Variants in PITRM1 observed in about 807,000 individuals in gnomAD.
PITRM1 encodes pitrilysin metallopeptidase 1.
In PITRM1, 100 loss-of-function variants were observed where a neutral mutation model predicts 129.9. The observed-to-expected ratio is 0.77, with a 90% CI of 0.65 to 0.91. The LOEUF (loss-of-function observed/expected upper bound fraction) is 0.91, where lower values mean the gene tolerates loss of function less well. Ranked by LOEUF, PITRM1 falls within the 40% of genes least tolerant of loss-of-function variation. The probability of loss-of-function intolerance (pLI) is 0.00; values close to 1 mark genes in which losing one functional copy is unlikely to be tolerated. For synonymous variants in PITRM1, 591 were observed against 508.8 expected (o/e 1.16, Z -2.17); for missense variants, 1,471 against 1,318.3 (o/e 1.12, Z -1.79).
At chr10:3,155,857 T>C (rs1841933061) in intron 13 of PITRM1, 128 bp from the exon 14 acceptor site, 4 of 1,049,330 alleles carry the variant, frequency 3.8e-6, no homozygotes, top group Admixed American at 5.2e-5. Flanking sequence ...AAAATAGTAA[T>C]AATAGAACGC....
Position 3,147,689 on chromosome 10 carries a change from G to A in PITRM1, c.2118C>T (p.Thr706=), listed in dbSNP as rs369598972. 104 of 1,612,746 alleles carry A rather than the reference G, an allele frequency of 6.4e-5. No individual in the cohort carries two copies. The East Asian group carries it at 9.8e-4, about 15-fold the overall frequency. The change falls in exon 19 of 27, where the codon ACC becomes ACT. Residue 706 remains threonine, a synonymous_variant. Coordinates refer to ENST00000224949, the MANE Select transcript of PITRM1 (RefSeq NM_014889.4). ...GAATTCCATTGGCGAGCTCCTGGGC[G>A]GTCATCTTCACCAGCACCTTGAAGT... ...EEHFKVLVKM[T]AQELANGIPD...
In PITRM1 at chr10:3,138,887, T is replaced by C; in HGVS notation, c.2917+17A>G. The C allele has an allele frequency of 1.2e-6, 2 of 1,613,110 alleles. No individual in the cohort carries two copies. The highest frequency in any genetic ancestry group is 1.7e-6 in the Non-Finnish European group (2 of 1,179,062). ...TGAGGCTGTGGGTTGAGATTCTCAC[T>C]GTTATACTCAAAATACCTTTGTCTG... On this transcript the variant is annotated intron_variant, in intron 25 of 26. Coordinates refer to ENST00000224949, the MANE Select transcript of PITRM1 (RefSeq NM_014889.4).
chr10:3,141,159 T>A (rs1840156895), intron 23 of PITRM1, among the ~76,000 whole-genome samples: 1 of 152,250 alleles, frequency 6.6e-6, no homozygotes, highest in Non-Finnish European at 1.5e-5. Context: ...CAGGCTGGTC[T>A]CAAACACCTG....
chr10:3,152,814 G>A (rs947852401), intron 14 of PITRM1, among the ~76,000 whole-genome samples: 1 of 152,204 alleles, frequency 6.6e-6, no homozygotes, highest in Non-Finnish European at 1.5e-5. Flanking sequence ...GCTAGAGCAC[G>A]CCACAGCTAC....
intron 23 of PITRM1, chr10:3,141,544 G>C (rs1840196415): frequency 3.3e-6 from 1 of 300,936 alleles, no homozygotes; most frequent in South Asian, 2.9e-5. Context: ...CACATTTCTA[G>C]GAACAGGGCC....
upstream of PITRM1, chr10:3,172,809 T>C (rs1415138374): frequency 6.7e-7 from 1 of 1,491,832 alleles, no homozygotes; most frequent in East Asian, 2.5e-5. Flanking sequence ...AGGAACCCCC[T>C]CTTAACCCGA....
intron 23 of PITRM1, among the ~76,000 whole-genome samples, chr10:3,142,678 G>C (rs546701169): frequency 1.3e-5 from 2 of 152,348 alleles, no homozygotes; most frequent in South Asian, 4.1e-4. Flanking sequence ...GCCACTTTGG[G>C]AACAGGCCTG....
intron 18 of PITRM1, 72 bp downstream of exon 18, chr10:3,147,915 C>T: frequency 3.9e-6 from 5 of 1,285,976 alleles, no homozygotes; most frequent in Non-Finnish European, 5.6e-6. Context: ...GTAAAACTGT[C>T]TCCTTTAAAG....
At chr10:3,163,652 C>T (rs1226344727) in intron 7 of PITRM1, 73 bp downstream of exon 7, 2 of 1,243,272 alleles carry the variant, frequency 1.6e-6, no homozygotes, top group Admixed American at 2.2e-5. Flanking sequence ...AGAAGCCATG[C>T]CATAAACTGT....
intron 1 of PITRM1, among the ~76,000 whole-genome samples, chr10:3,171,230 G>A (rs1843328857): frequency 7.1e-6 from 1 of 140,232 alleles, no homozygotes; most frequent in Admixed American, 7.4e-5. Context: ...AAAGATATGG[G>A]TCACATAACG....
intron 1 of PITRM1, 49 bp from the exon 2 acceptor site, chr10:3,170,255 G>A: frequency 7.3e-7 from 1 of 1,377,490 alleles, no homozygotes; most frequent in Non-Finnish European, 1.0e-6. Flanking sequence ...AAAGTATCTG[G>A]CTAACATTAT....
rs1481179751 is a variant in PITRM1 at position 3,138,818 on chromosome 10, C to T, written c.2917+86G>A. On this transcript the variant is annotated intron_variant, in intron 25 of 26. Transcript: ENST00000224949. ...ATGGAGGCACCAGAAGCTAGTGCTC[C>T]TGCCCATGCATGCCGGGAACTTGGA... is the stretch of plus-strand genomic sequence containing the variant. 3.1e-6 allele frequency: 4 copies of T among 1,282,558 alleles called. No individual in the cohort carries two copies. The East Asian group carries it at 9.2e-5, about 30-fold the overall frequency. The allele number at this position is 1,282,558 out of a possible 1,614,324, so 79.4% of individuals were successfully genotyped here. A position where few individuals can be genotyped will look rare whatever the true frequency, so the allele number is the denominator to read the frequency against.
Position 3,166,320 on chromosome 10 carries a change from G to C in PITRM1, c.327C>G (p.Thr109=), listed in dbSNP as rs1127047. Residue 109 remains threonine, a synonymous_variant, in exon 4 of 27, where the codon ACC becomes ACG. Transcript: ENST00000224949. ...GATATTTCTGAGACCCACAAAGGACGGTATGCTCAAGAATGTGAGGAACAC... is the reference window on the plus strand; with the variant it reads ...GATATTTCTGAGACCCACAAAGGACCGTATGCTCAAGAATGTGAGGAACAC... ...STGVPHILEH[T]VLCGSQKYPC... 2.5e-6 allele frequency: 4 copies of C among 1,608,986 alleles called. No homozygotes were observed. The highest frequency in any genetic ancestry group is 3.4e-6 in the Non-Finnish European group (4 of 1,177,278).
At chr10:3,151,109 C>T (rs764100040) in intron 15 of PITRM1, 138 bp downstream of exon 15, 6 of 663,070 alleles carry the variant, frequency 9.0e-6, no homozygotes, top group Admixed American at 2.3e-5. Flanking sequence ...TCGTGTAGAG[C>T]GAGACTATGA....
chr10:3,165,734 T>G (rs748808245), intron 4 of PITRM1, among the ~76,000 whole-genome samples: 8 of 152,166 alleles, frequency 5.3e-5, no homozygotes, highest in Non-Finnish European at 8.8e-5. Flanking sequence ...CGTCTCAGGA[T>G]CTGCACTCGA....
chr10:3,144,206 G>T (rs905886144), intron 22 of PITRM1, 86 bp downstream of exon 22: 3 of 759,328 alleles, frequency 4.0e-6, no homozygotes, highest in Non-Finnish European at 6.7e-6. Context: ...ACAGGCGGAC[G>T]GAGGAACATT....
Position 3,157,068 on chromosome 10 carries a change from G to C in PITRM1, c.1348-4C>G, listed in dbSNP as rs1463076094. ...GGTTCCAGCAAGAAGCTATGTACTG[G>C]AAGGAAGATTTCCACATCCACAATG... On this transcript the variant is annotated splice_region_variant and splice_polypyrimidine_tract_variant and intron_variant, in intron 12 of 26. Transcript: ENST00000224949. 1.2e-6 allele frequency: 2 copies of C among 1,602,214 alleles called. No homozygotes were observed. The highest frequency in any genetic ancestry group is 4.5e-5 in the East Asian group (2 of 44,322).
At position 3,138,246 on chromosome 10, in the gene PITRM1, G is replaced by A. The variant is rs749521401; in HGVS notation, c.3009C>T (p.Ala1003=). 3.2e-5 allele frequency: 52 copies of A among 1,612,572 alleles called. No individual in the cohort carries two copies. Among genetic ancestry groups the A allele is most frequent in the African/African-American group, 1.5e-4 (11 of 74,884 alleles). ...CGCTCCCCACTCACCTATCGCTCAC[G>A]GCCAGGAGCTTGTCGTGGCTGACAG... ...LFAVSHDKLL[A]VSDRYLGTGK... The change falls in exon 26 of 27, where the codon GCC becomes GCT. Residue 1003 remains alanine (A), a synonymous_variant. Transcript: ENST00000224949.
intron 2 of PITRM1, among the ~76,000 whole-genome samples, chr10:3,169,694 C>T (rs751111358): frequency 6.6e-6 from 1 of 152,182 alleles, no homozygotes; most frequent in Non-Finnish European, 1.5e-5. Flanking sequence ...TTCTGAAACC[C>T]GAATGGCTCA....
Sources: gnomAD v4.1 joint callset for allele counts (sites outside exome capture counted in the v4.1 genomes callset) on GRCh38, gnomAD v4.1.1 for gene constraint, MANE v1.5 for transcripts, NCBI Gene and HGNC (gene_info 2026-07-23, HGNC 2026-07-21) for gene names.